GSE1: variants seen among roughly 807,000 people sequenced by gnomAD.
The protein encoded by GSE1 is Gse1 coiled-coil protein, also known as genetic suppressor element 1.
Under a neutral mutation model 112.6 loss-of-function variants are expected in GSE1, and 32 were observed. The observed-to-expected ratio is 0.28, with a 90% CI of 0.21 to 0.38. GSE1 has a LOEUF of 0.38. Among genes scored for constraint, GSE1 ranks in the 10% least tolerant of loss-of-function variants. The pLI is 1.00. For missense variants in GSE1, 2,348 were observed against 1,699.2 expected (o/e 1.38, Z -6.71); for synonymous variants, 1,115 against 735.6 (o/e 1.52, Z -8.35).
intron 1 of GSE1, among the ~76,000 whole-genome samples, chr16:85,245,499 C>T (rs535850087): frequency 3.3e-5 from 5 of 152,320 alleles, no homozygotes; most frequent in Admixed American, 6.5e-5. Flanking sequence ...GTCCCGTCAT[C>T]CTTGGAGAAG....
At chr16:85,637,511 C>T (rs1382561345) in intron 2 of GSE1, among the ~76,000 whole-genome samples, 1 of 152,104 alleles carries the variant, frequency 6.6e-6, no homozygotes, top group Non-Finnish European at 1.5e-5. Context: ...CCCTTGATCG[C>T]GGCAGTGGCT....
intron 1 of GSE1, among the ~76,000 whole-genome samples, chr16:85,615,748 T>C (rs1159185698): frequency 6.6e-6 from 1 of 152,194 alleles, no homozygotes. Context: ...TCAAAGGGGC[T>C]TGTACATCTC....
exon 1 of GSE1, chr16:85,170,084 C>G (rs1372082450): frequency 2.0e-6 from 2 of 984,906 alleles, no homozygotes; most frequent in Non-Finnish European, 1.2e-6. Context: ...GAGCCCGACC[C>G]GCCCGCGCGG....
intron 3 of GSE1, among the ~76,000 whole-genome samples, chr16:85,650,365 G>T (rs1278310089): frequency 6.6e-6 from 1 of 152,162 alleles, no homozygotes; most frequent in Non-Finnish European, 1.5e-5. Flanking sequence ...GGTGGGGCCT[G>T]GCTGCTGGTG....
At chr16:85,251,499 G>A (rs1171549354) in intron 1 of GSE1, among the ~76,000 whole-genome samples, 1 of 152,228 alleles carries the variant, frequency 6.6e-6, no homozygotes, top group Non-Finnish European at 1.5e-5. Context: ...TCATCCAGCG[G>A]GGGTGCGGCC....
intron 1 of GSE1, among the ~76,000 whole-genome samples, chr16:85,606,136 C>T (rs558501173): frequency 6.6e-6 from 1 of 152,322 alleles, no homozygotes; most frequent in East Asian, 1.9e-4. Context: ...AGCAGGCCTG[C>T]CAGGTAGACG....
chr16:85,312,951 C>G (rs2045893953), intron 1 of GSE1, among the ~76,000 whole-genome samples: 1 of 151,986 alleles, frequency 6.6e-6, no homozygotes, highest in African/African-American at 2.4e-5. Context: ...GGCCAAGGGG[C>G]AGGGGATGAA....
intron 2 of GSE1, among the ~76,000 whole-genome samples, chr16:85,427,350 A>G (rs28642181): frequency 0.094 from 14,356 of 152,210 alleles, 1,028 homozygotes; most frequent in East Asian, 0.42. Context: ...GATTTTAACA[A>G]TATGTTTTAG....
At chr16:85,369,844 G>T (rs542203350) in intron 2 of GSE1, among the ~76,000 whole-genome samples, 2 of 152,372 alleles carry the variant, frequency 1.3e-5, no homozygotes, top group African/African-American at 4.8e-5. Context: ...AGGCACTGTT[G>T]TAGGTGCTTT....
intron 2 of GSE1, among the ~76,000 whole-genome samples, chr16:85,478,550 G>T (rs904653774): frequency 1.3e-5 from 2 of 151,582 alleles, no homozygotes; most frequent in Non-Finnish European, 2.9e-5. Context: ...AAATTCCATG[G>T]CCTGCCATGG....
chr16:85,402,368 G>T (rs566583170), intron 2 of GSE1, among the ~76,000 whole-genome samples: 21 of 152,350 alleles, frequency 1.4e-4, no homozygotes, highest in African/African-American at 4.6e-4. Context: ...ACTCGAGAGA[G>T]CCTGGGAGGA....
intron 2 of GSE1, among the ~76,000 whole-genome samples, chr16:85,463,399 G>A (rs963523533): frequency 3.4e-4 from 52 of 152,236 alleles, no homozygotes; most frequent in South Asian, 1.0e-3. Context: ...GCAGCCGGGG[G>A]AGGCTGCCCT....
At chr16:85,487,298 C>T (rs2050873032) in intron 2 of GSE1, among the ~76,000 whole-genome samples, 1 of 152,186 alleles carries the variant, frequency 6.6e-6, no homozygotes, top group Non-Finnish European at 1.5e-5. Context: ...CTCCTCCCGT[C>T]ACGTGGCGAG....
At chr16:85,519,710 C>T (rs1003063011) in intron 2 of GSE1, among the ~76,000 whole-genome samples, 2 of 142,804 alleles carry the variant, frequency 1.4e-5, no homozygotes, top group South Asian at 2.2e-4. Flanking sequence ...GTCTCCATCA[C>T]TGTCATCATC....
At chr16:85,479,268 G>A (rs1326131745) in intron 2 of GSE1, among the ~76,000 whole-genome samples, 1 of 134,112 alleles carries the variant, frequency 7.5e-6, no homozygotes, top group Non-Finnish European at 1.5e-5. Context: ...TCCTGACCCC[G>A]TGATCCACCC....
chr16:85,604,704 T>C (rs2047606902), intron 1 of GSE1, among the ~76,000 whole-genome samples: 1 of 71,832 alleles, frequency 1.4e-5, no homozygotes, highest in Admixed American at 2.2e-4. Flanking sequence ...ATGATCGCAC[T>C]ACCGCGCTCC....
intron 2 of GSE1, among the ~76,000 whole-genome samples, chr16:85,498,046 G>C (rs959733598): frequency 6.6e-6 from 1 of 152,148 alleles, no homozygotes; most frequent in African/African-American, 2.4e-5. Flanking sequence ...CACCTCAGTG[G>C]GGTGGGGGTG....
intron 2 of GSE1, among the ~76,000 whole-genome samples, chr16:85,501,523 C>G (rs1292040502): frequency 6.6e-6 from 1 of 151,686 alleles, no homozygotes; most frequent in African/African-American, 2.4e-5. Context: ...TCCTAAATAG[C>G]TGAGACTACA....
chr16:85,672,668 A>T lies in GSE1; in HGVS notation c.*129A>T. 1.7e-6 allele frequency: 1 copy of T among 581,114 alleles called. No individual in the cohort carries two copies. Among genetic ancestry groups the T allele is most frequent in the Non-Finnish European group, 2.7e-6 (1 of 367,122 alleles). The allele number at this position is 581,114 out of a possible 1,614,324, so 36.0% of individuals were successfully genotyped here. On this transcript the variant is annotated 3_prime_UTR_variant, in exon 16 of 16. Transcript: ENST00000253458. ...TGAGAATGTGCCATGCATGAAGCAA[A>T]GGATTCCAGGCTCCAGAAAAAATGA...
Sources: allele counts gnomAD v4.1 joint callset (sites outside exome capture counted in the v4.1 genomes callset), GRCh38; gene constraint gnomAD v4.1.1; transcripts MANE v1.5; gene names NCBI Gene and HGNC (gene_info 2026-07-23, HGNC 2026-07-21).